CAPN9: variants seen among roughly 807,000 people sequenced by gnomAD.
The protein encoded by CAPN9 is calpain-9.
Under a neutral mutation model 92.8 loss-of-function variants are expected in CAPN9, and 81 were observed. The observed-to-expected ratio is 0.87, with a 90% CI of 0.73 to 1.05. CAPN9 has a LOEUF of 1.05. CAPN9 is among the 50% of genes least tolerant of loss of function. CAPN9 has a pLI of 0.00. For synonymous variants in CAPN9, 304 were observed against 328.0 expected (o/e 0.93, Z 0.79); for missense variants, 848 against 866.2 (o/e 0.98, Z 0.26).
chr1:230,767,283 C>T (rs767040815), intron 4 of CAPN9, among the ~76,000 whole-genome samples: 15 of 152,120 alleles, frequency 9.9e-5, no homozygotes, highest in African/African-American at 2.4e-4. Context: ...TTTGAACCTG[C>T]GGCCACTCAG....
intron 9 of CAPN9, among the ~76,000 whole-genome samples, chr1:230,779,876 G>C (rs1468847228): frequency 6.6e-6 from 1 of 152,150 alleles, no homozygotes; most frequent in Non-Finnish European, 1.5e-5. Flanking sequence ...GATAGAACAA[G>C]CTTTAGCAGA....
intron 4 of CAPN9, 143 bp downstream of exon 4, chr1:230,762,929 TC>T: frequency 1.2e-6 from 1 of 835,466 alleles, no homozygotes; most frequent in Non-Finnish European, 1.8e-6. Flanking sequence ...CTCTCAGGGC[TC>T]AAGCGGGGTT....
intron 13 of CAPN9, among the ~76,000 whole-genome samples, chr1:230,789,389 CT>C (rs745379755): frequency 6.9e-6 from 1 of 145,330 alleles, no homozygotes; most frequent in Non-Finnish European, 1.5e-5. Context: ...AGGAGGATTG[CT>C]TGAGCATGGG....
intron 1 of CAPN9, among the ~76,000 whole-genome samples, chr1:230,750,812 GGAGTGCACT>G (rs149900964): frequency 0.087 from 13,312 of 152,180 alleles, 650 homozygotes; most frequent in South Asian, 0.19. Context: ...CCCAGGGCAA[GGAGTGCACT>G]GAGGGTGACT....
intron 4 of CAPN9, among the ~76,000 whole-genome samples, chr1:230,766,363 C>T (rs1433817802): frequency 1.3e-5 from 2 of 152,194 alleles, no homozygotes; most frequent in Admixed American, 6.5e-5. Flanking sequence ...ATTCTGATTA[C>T]AAGCGCACAA....
intron 18 of CAPN9, among the ~76,000 whole-genome samples, chr1:230,797,183 G>T (rs191143865): frequency 6.6e-6 from 1 of 152,172 alleles, no homozygotes; most frequent in East Asian, 1.9e-4. Context: ...AAATTCGCCA[G>T]GTGTTTCCAG....
intron 19 of CAPN9, among the ~76,000 whole-genome samples, chr1:230,800,290 GA>G (rs1195464429): frequency 7.7e-5 from 9 of 116,396 alleles, no homozygotes; most frequent in Admixed American, 1.7e-4. Context: ...AAGAAAGAAA[GA>G]AAGAAAGAAA....
chr1:230,762,916 A>G (rs187723150), intron 4 of CAPN9, 130 bp downstream of exon 4: 99 of 951,858 alleles, frequency 1.0e-4, no homozygotes, highest in Non-Finnish European at 1.4e-4. Context: ...GCAGGACCCA[A>G]CCCTCTCAGG....
chr1:230,764,188 G>A (rs1201884166), intron 4 of CAPN9, among the ~76,000 whole-genome samples: 3 of 152,226 alleles, frequency 2.0e-5, no homozygotes, highest in Non-Finnish European at 4.4e-5. Flanking sequence ...AGTGTTTCTG[G>A]AGAAAATAGC....
At chr1:230,749,866 A>T (rs1664656278) in intron 1 of CAPN9, among the ~76,000 whole-genome samples, 1 of 152,156 alleles carries the variant, frequency 6.6e-6, no homozygotes, top group Non-Finnish European at 1.5e-5. Context: ...TCCTGACTCT[A>T]GGAGGGCCCC....
intron 8 of CAPN9, among the ~76,000 whole-genome samples, chr1:230,775,167 G>T (rs973645514): frequency 1.3e-5 from 2 of 152,102 alleles, no homozygotes; most frequent in South Asian, 2.1e-4. Flanking sequence ...GTTTGTTGAA[G>T]AGTCTTCAGG....
At chr1:230,789,605 T>C (rs948534075) in intron 13 of CAPN9, among the ~76,000 whole-genome samples, 1 of 151,708 alleles carries the variant, frequency 6.6e-6, no homozygotes, top group African/African-American at 2.4e-5. Flanking sequence ...ATTCTGAAAT[T>C]CACCCTTATT....
At chr1:230,783,387 G>A (rs571685478) in intron 11 of CAPN9, among the ~76,000 whole-genome samples, 24 of 152,278 alleles carry the variant, frequency 1.6e-4, no homozygotes, top group Non-Finnish European at 3.1e-4. Flanking sequence ...CCCCAATGTT[G>A]GAGGTGGAGC....
chr1:230,776,600 C>T (rs372324414), intron 8 of CAPN9: 65 of 152,226 alleles, frequency 4.3e-4, no homozygotes, highest in African/African-American at 1.5e-3. Context: ...TATATAAAGG[C>T]TCAAACACAG....
chr1:230,801,964 T>C lies in CAPN9; in HGVS notation c.*368T>C, dbSNP rs963861297. On this transcript the variant is annotated 3_prime_UTR_variant, in exon 20 of 20. Coordinates refer to ENST00000271971, the MANE Select transcript of CAPN9 (RefSeq NM_006615.3). ...TAGCTCCAGTCATTGTGATCAGACA[T>C]CCTTTATAAAACATGTTTTTATAAA... 3 of 265,636 alleles carry C rather than the reference T, an allele frequency of 1.1e-5. No homozygotes were observed. The highest frequency in any genetic ancestry group is 6.4e-5 in the African/African-American group (3 of 46,604). 16.5% of individuals were successfully genotyped at this position (265,636 alleles called of 1,614,324 possible). A position where few individuals can be genotyped will look rare whatever the true frequency, so the allele number is the denominator to read the frequency against.
intron 2 of CAPN9, among the ~76,000 whole-genome samples, chr1:230,756,391 G>A (rs28359602): frequency 1.1e-4 from 16 of 152,270 alleles, no homozygotes; most frequent in African/African-American, 3.6e-4. Flanking sequence ...GAAAACGGAT[G>A]CATAATTAGA....
chr1:230,795,418 T>C (rs1356983796), intron 18 of CAPN9, 139 bp downstream of exon 18: 4 of 614,802 alleles, frequency 6.5e-6, no homozygotes, highest in Non-Finnish European at 1.2e-5. Context: ...TGTGGACCCA[T>C]GGGCCTGTGC....
intron 8 of CAPN9, among the ~76,000 whole-genome samples, chr1:230,775,380 C>A (rs996832588): frequency 1.2e-4 from 18 of 152,198 alleles, no homozygotes; most frequent in African/African-American, 4.1e-4. Context: ...TATCGACCTA[C>A]GTAGGAAGTA....
chr1:230,800,252 AAG>A lies in CAPN9; in HGVS notation c.2047-1316_2047-1315del, dbSNP rs1162532079. ...GAAAGAAGAAAGAAAGAAAGAAAGAAAGAAAGAAAGAAAGAAAGAAAGAAAGA... is the reference window on the plus strand; with the variant it reads ...GAAAGAAGAAAGAAAGAAAGAAAGAAAAAGAAAGAAAGAAAGAAAGAAAGA... On this transcript the variant is annotated intron_variant, in intron 19 of 19. Transcript: ENST00000271971. Among the ~76,000 whole-genome samples the A allele has an allele frequency of 6.5e-5, 8 of 123,298 alleles. No homozygotes were observed. The South Asian group carries it at 1.1e-3, about 17-fold the overall frequency. 80.9% of individuals were successfully genotyped at this position (123,298 alleles called of 152,430 possible). A position where few individuals can be genotyped will look rare whatever the true frequency, so the allele number is the denominator to read the frequency against.
Sources: allele counts gnomAD v4.1 joint callset (sites outside exome capture counted in the v4.1 genomes callset), GRCh38; gene constraint gnomAD v4.1.1; transcripts MANE v1.5; gene names NCBI Gene and HGNC (gene_info 2026-07-23, HGNC 2026-07-21).